CNTLN: variants seen among roughly 807,000 people sequenced by gnomAD.
The protein encoded by CNTLN is centlein.
CNTLN carries 212 observed loss-of-function variants against 180.0 expected under a neutral mutation model. The observed-to-expected ratio is 1.18, with a 90% CI of 1.05 to 1.32. The LOEUF (loss-of-function observed/expected upper bound fraction) is 1.32, where lower values mean the gene tolerates loss of function less well. Ranked by LOEUF, CNTLN falls within the 40% of genes most tolerant of loss-of-function variation. The pLI is 0.00. For synonymous variants in CNTLN, 722 were observed against 563.1 expected (o/e 1.28, Z -3.99); for missense variants, 2,095 against 1,610.9 (o/e 1.30, Z -5.14).
At chr9:17,292,793 T>G (rs570618681) in intron 6 of CNTLN, among the ~76,000 whole-genome samples, 5 of 152,278 alleles carry the variant, frequency 3.3e-5, no homozygotes, top group Admixed American at 2.0e-4. Flanking sequence ...TTCTGAGGCC[T>G]ACTTGTGTCA....
chr9:17,351,409 T>A (rs1822352773), intron 12 of CNTLN, among the ~76,000 whole-genome samples: 1 of 152,176 alleles, frequency 6.6e-6, no homozygotes, highest in African/African-American at 2.4e-5. Flanking sequence ...AACATCTCCT[T>A]TTGGAGGTCT....
At chr9:17,334,985 T>A (rs964176846) in intron 10 of CNTLN, among the ~76,000 whole-genome samples, 3 of 151,974 alleles carry the variant, frequency 2.0e-5, no homozygotes, top group African/African-American at 7.3e-5. Context: ...TAGTTCCAGT[T>A]TGAGCCCAAA....
rs748837731 is a variant in CNTLN at position 17,366,720 on chromosome 9, A to G, written c.1987+3A>G. On this transcript the variant is annotated splice_donor_region_variant and intron_variant, in intron 13 of 25. Transcript: ENST00000380647. The stretch of plus-strand genomic sequence containing the variant: ...ATGTGTGGCAGAGAGAAGAGAAGGT[A>G]AATTTTCAGAAAATAAATACTTAAC... 3 of 1,465,662 alleles carry G rather than the reference A, an allele frequency of 2.0e-6. No individual in the cohort carries two copies. The highest frequency in any genetic ancestry group is 1.2e-5 in the South Asian group (1 of 82,342). 90.8% of individuals were successfully genotyped at this position (1,465,662 alleles called of 1,614,324 possible).
intron 12 of CNTLN, among the ~76,000 whole-genome samples, chr9:17,354,791 C>T (rs1822691088): frequency 6.6e-6 from 1 of 152,080 alleles, no homozygotes; most frequent in South Asian, 2.1e-4. Context: ...AGTCCCCTTC[C>T]ACACTGTGGA....
At chr9:17,442,943 T>C (rs1830192676) in intron 18 of CNTLN, among the ~76,000 whole-genome samples, 1 of 151,844 alleles carries the variant, frequency 6.6e-6, no homozygotes, top group African/African-American at 2.4e-5. Context: ...CTGTTCATGA[T>C]AAAAATTATC....
intron 1 of CNTLN, among the ~76,000 whole-genome samples, chr9:17,141,564 C>A (rs545826530): frequency 6.6e-6 from 1 of 152,074 alleles, no homozygotes; most frequent in Admixed American, 6.6e-5. Flanking sequence ...AGTCTTGTAG[C>A]CTTGACACAG....
intron 18 of CNTLN, among the ~76,000 whole-genome samples, chr9:17,430,172 C>T (rs1185564686): frequency 6.6e-6 from 1 of 151,888 alleles, no homozygotes; most frequent in Non-Finnish European, 1.5e-5. Context: ...AATAAATGAT[C>T]TCATCAGGTG....
intron 19 of CNTLN, among the ~76,000 whole-genome samples, chr9:17,459,033 A>G (rs886758887): frequency 2.6e-5 from 4 of 151,812 alleles, no homozygotes; most frequent in African/African-American, 9.7e-5. Context: ...GTGATTCTTC[A>G]TATATTTAAG....
chr9:17,343,350 A>AAT (rs1821630893), intron 12 of CNTLN, among the ~76,000 whole-genome samples: 1 of 152,194 alleles, frequency 6.6e-6, no homozygotes, highest in African/African-American at 2.4e-5. Flanking sequence ...AGATTGCTAG[A>AAT]ATATAGCCTC....
chr9:17,193,013 C>T (rs887326449), intron 2 of CNTLN, among the ~76,000 whole-genome samples: 2 of 152,052 alleles, frequency 1.3e-5, no homozygotes, highest in African/African-American at 4.8e-5. Context: ...AAGATGAAAA[C>T]GTGGAAACCC....
intron 18 of CNTLN, among the ~76,000 whole-genome samples, chr9:17,438,678 G>A (rs1206803104): frequency 6.6e-6 from 1 of 152,180 alleles, no homozygotes; most frequent in Non-Finnish European, 1.5e-5. Context: ...TAGTGAACTG[G>A]AAATATCAAG....
intron 5 of CNTLN, among the ~76,000 whole-genome samples, chr9:17,242,643 A>G (rs984207708): frequency 1.3e-5 from 2 of 152,136 alleles, no homozygotes; most frequent in African/African-American, 2.4e-5. Context: ...GATATGATGT[A>G]TCTCATGATG....
chr9:17,291,247 A>G (rs920003220), intron 6 of CNTLN, among the ~76,000 whole-genome samples: 3 of 152,112 alleles, frequency 2.0e-5, no homozygotes, highest in East Asian at 1.9e-4. Context: ...AGTAAGTGCT[A>G]TGTGCTATGT....
chr9:17,220,615 G>A (rs1417958908), intron 2 of CNTLN, among the ~76,000 whole-genome samples: 3 of 152,112 alleles, frequency 2.0e-5, no homozygotes. Context: ...AGGACCCAGT[G>A]TGTGTTGTTC....
At chr9:17,474,590 C>A (rs767387409) in intron 23 of CNTLN, among the ~76,000 whole-genome samples, 4 of 152,150 alleles carry the variant, frequency 2.6e-5, no homozygotes, top group African/African-American at 4.8e-5. Context: ...AAAACATGGG[C>A]AGGCATAGTG....
At chr9:17,310,231 C>T (rs553634155) in intron 8 of CNTLN, among the ~76,000 whole-genome samples, 1 of 152,160 alleles carries the variant, frequency 6.6e-6, no homozygotes, top group East Asian at 1.9e-4. Flanking sequence ...GAGGTAACCA[C>T]CAAACTTCTT....
At chr9:17,432,005 G>C (rs1004393750) in intron 18 of CNTLN, among the ~76,000 whole-genome samples, 4 of 152,100 alleles carry the variant, frequency 2.6e-5, no homozygotes, top group African/African-American at 9.7e-5. Context: ...TAGAATTGCT[G>C]CCTTTTTGTT....
At chr9:17,463,063 AC>A in intron 20 of CNTLN, 50 bp downstream of exon 20, 1 of 1,063,094 alleles carries the variant, frequency 9.4e-7, no homozygotes, top group Non-Finnish European at 1.4e-6. Flanking sequence ...CCTAGTGGCA[AC>A]CAGCTCTATT....
At chr9:17,227,488 A>T (rs921340051) in intron 3 of CNTLN, among the ~76,000 whole-genome samples, 1 of 151,990 alleles carries the variant, frequency 6.6e-6, no homozygotes, top group East Asian at 1.9e-4. Context: ...ATTTAAATTC[A>T]TTTTATACTC....
Sources: allele counts gnomAD v4.1 joint callset (sites outside exome capture counted in the v4.1 genomes callset), GRCh38; gene constraint gnomAD v4.1.1; transcripts MANE v1.5; gene names NCBI Gene and HGNC (gene_info 2026-07-23, HGNC 2026-07-21).